UBE2E2: variants seen among roughly 807,000 people sequenced by gnomAD.
UBE2E2 encodes the protein ubiquitin conjugating enzyme E2 E2, also known as ubiquitin-conjugating enzyme E2 E2.
Under a neutral mutation model 24.7 loss-of-function variants are expected in UBE2E2, and 6 were observed. The ratio of observed to expected loss-of-function variants is 0.24; its 90% CI spans 0.13 to 0.48. UBE2E2 has a LOEUF of 0.48. Ranked by LOEUF, UBE2E2 falls within the 20% of genes least tolerant of loss-of-function variation. The pLI is 0.99. For synonymous variants in UBE2E2, 104 were observed against 83.6 expected, an observed-to-expected ratio of 1.24 and a Z score of -1.33; for missense variants, 169 against 245.0, an observed-to-expected ratio of 0.69 and a Z score of 2.07.
intron 5 of UBE2E2, among the ~76,000 whole-genome samples, chr3:23,571,607 G>C (rs556965320): frequency 6.6e-6 from 1 of 151,962 alleles, no homozygotes; most frequent in Admixed American, 6.6e-5. Context: ...TTCTTGATAG[G>C]ACACTGACAA....
At chr3:23,256,130 A>T (rs1464908126) in intron 3 of UBE2E2, among the ~76,000 whole-genome samples, 1 of 152,246 alleles carries the variant, frequency 6.6e-6, no homozygotes, top group African/African-American at 2.4e-5. Context: ...GAATAAAGCT[A>T]GCATATGAGT....
intron 3 of UBE2E2, among the ~76,000 whole-genome samples, chr3:23,455,313 A>G (rs1015083917): frequency 6.6e-6 from 1 of 152,082 alleles, no homozygotes; most frequent in African/African-American, 2.4e-5. Context: ...GAGTCACACA[A>G]ATTTTTTGGT....
intron 3 of UBE2E2, among the ~76,000 whole-genome samples, chr3:23,486,810 G>A (rs1213594857): frequency 6.6e-6 from 1 of 152,144 alleles, no homozygotes; most frequent in African/African-American, 2.4e-5. Context: ...ACTGGTCCAT[G>A]GTCGGGCCTG....
intron 3 of UBE2E2, among the ~76,000 whole-genome samples, chr3:23,224,156 GT>G (rs531661466): frequency 0.22 from 20,928 of 93,944 alleles, 1,401 homozygotes; most frequent in South Asian, 0.31. Context: ...TAAATTTTAG[GT>G]TTTTTTTTTT....
intron 5 of UBE2E2, among the ~76,000 whole-genome samples, chr3:23,568,648 C>CACAT (rs1696141409): frequency 6.8e-6 from 1 of 147,138 alleles, no homozygotes; most frequent in Admixed American, 6.8e-5. Flanking sequence ...TATATACGCA[C>CACAT]ATATATGTAT....
intron 3 of UBE2E2, among the ~76,000 whole-genome samples, chr3:23,479,853 T>C (rs1699219040): frequency 6.6e-6 from 1 of 152,176 alleles, no homozygotes; most frequent in Non-Finnish European, 1.5e-5. Context: ...GGGGTTTTTA[T>C]GTGCTCAGAA....
chr3:23,274,046 G>T (rs1698319557), intron 3 of UBE2E2: 1 of 152,038 alleles, frequency 6.6e-6, no homozygotes, highest in African/African-American at 2.4e-5. Flanking sequence ...ATATAAGAAG[G>T]GAGTCAAATA....
intron 3 of UBE2E2, among the ~76,000 whole-genome samples, chr3:23,459,795 C>T (rs532076354): frequency 1.3e-5 from 2 of 152,250 alleles, no homozygotes; most frequent in South Asian, 4.2e-4. Context: ...TTTCTGTGAT[C>T]TGTAAAATCG....
intron 3 of UBE2E2, among the ~76,000 whole-genome samples, chr3:23,301,017 G>T (rs1018648671): frequency 6.6e-6 from 1 of 151,888 alleles, no homozygotes; most frequent in Admixed American, 6.6e-5. Context: ...TTCTCTTCTC[G>T]CTTCATTTCA....
intron 3 of UBE2E2, among the ~76,000 whole-genome samples, chr3:23,263,523 T>C (rs2125355922): frequency 6.6e-6 from 1 of 152,324 alleles, no homozygotes; most frequent in South Asian, 2.1e-4. Context: ...TTTTGGAACA[T>C]GATAATAGCA....
intron 3 of UBE2E2, among the ~76,000 whole-genome samples, chr3:23,277,017 C>A (rs186629525): frequency 6.6e-6 from 1 of 152,180 alleles, no homozygotes; most frequent in East Asian, 1.9e-4. Context: ...AAAACAAAGG[C>A]TTTCGTGTAC....
intron 3 of UBE2E2, among the ~76,000 whole-genome samples, chr3:23,221,234 ATG>A (rs1696628238): frequency 6.6e-6 from 1 of 152,178 alleles, no homozygotes; most frequent in South Asian, 2.1e-4. Flanking sequence ...TTCTATTTCT[ATG>A]TGTTTCAAGA....
At chr3:23,310,101 T>A (rs1694330023) in intron 3 of UBE2E2, among the ~76,000 whole-genome samples, 1 of 152,114 alleles carries the variant, frequency 6.6e-6, no homozygotes, top group Non-Finnish European at 1.5e-5. Flanking sequence ...AAGGGAGAGA[T>A]ATCACAGAAT....
chr3:23,356,359 A>G (rs1046456532), intron 3 of UBE2E2, among the ~76,000 whole-genome samples: 10 of 152,230 alleles, frequency 6.6e-5, no homozygotes, highest in South Asian at 2.1e-4. Flanking sequence ...TTCAGAAACT[A>G]TTCCCAGAGT....
At chr3:23,335,230 A>G (rs1695168201) in intron 3 of UBE2E2, among the ~76,000 whole-genome samples, 2 of 152,190 alleles carry the variant, frequency 1.3e-5, no homozygotes, top group African/African-American at 4.8e-5. Flanking sequence ...GTGCTGGTCA[A>G]TTCTGATGGG....
At chr3:23,319,568 C>T (rs942083297) in intron 3 of UBE2E2, among the ~76,000 whole-genome samples, 13 of 152,090 alleles carry the variant, frequency 8.5e-5, no homozygotes, top group South Asian at 4.1e-4. Flanking sequence ...TGGTGGCTCA[C>T]GCCTGTAATC....
At chr3:23,394,323 G>A (rs142878924) in intron 3 of UBE2E2, among the ~76,000 whole-genome samples, 13 of 152,250 alleles carry the variant, frequency 8.5e-5, no homozygotes, top group East Asian at 5.8e-4. Flanking sequence ...TTGAAAGTAC[G>A]TTGTGTAAAA....
chr3:23,511,786 T>C (rs898626337), intron 4 of UBE2E2, among the ~76,000 whole-genome samples: 3 of 152,308 alleles, frequency 2.0e-5, no homozygotes, highest in African/African-American at 7.2e-5. Flanking sequence ...GCTTATATAA[T>C]AATACCTCAT....
At chr3:23,557,179 A>G (rs976022149) in intron 5 of UBE2E2, among the ~76,000 whole-genome samples, 1 of 152,208 alleles carries the variant, frequency 6.6e-6, no homozygotes, top group Admixed American at 6.5e-5. Context: ...TGGTGGACTA[A>G]ATCAAATAAG....
Sources: gnomAD v4.1 joint callset for allele counts (sites outside exome capture counted in the v4.1 genomes callset) on GRCh38, gnomAD v4.1.1 for gene constraint, MANE v1.5 for transcripts, NCBI Gene and HGNC (gene_info 2026-07-23, HGNC 2026-07-21) for gene names.